NYAP2: variants seen among roughly 807,000 people sequenced by gnomAD.
NYAP2 encodes the protein neuronal tyrosine-phosphorylated phosphoinositide-3-kinase adaptor 2.
Under a neutral mutation model 50.4 loss-of-function variants are expected in NYAP2, and 23 were observed. That is an observed-to-expected ratio of 0.46 (90% confidence interval 0.33 to 0.65). The LOEUF (loss-of-function observed/expected upper bound fraction) is 0.65. NYAP2 is among the 30% of genes least tolerant of loss of function. NYAP2 has a pLI of 0.02. For missense variants in NYAP2, 885 were observed against 861.0 expected, an observed-to-expected ratio of 1.03 and a Z score of -0.35; for synonymous variants, 394 against 365.2, an observed-to-expected ratio of 1.08 and a Z score of -0.90.
chr2:225,603,485 C>G (rs1159955528), intron 5 of NYAP2, among the ~76,000 whole-genome samples: 1 of 152,116 alleles, frequency 6.6e-6, no homozygotes, highest in Non-Finnish European at 1.5e-5. Context: ...TATTTTGAGA[C>G]AGAGTCTCAC....
At chr2:225,632,571 C>T (rs913928419) in intron 6 of NYAP2, among the ~76,000 whole-genome samples, 1 of 152,206 alleles carries the variant, frequency 6.6e-6, no homozygotes, top group Non-Finnish European at 1.5e-5. Flanking sequence ...TTAACATTAA[C>T]ACTGGTTGCT....
At chr2:225,464,960 G>C (rs183085840) in intron 3 of NYAP2, among the ~76,000 whole-genome samples, 1 of 152,190 alleles carries the variant, frequency 6.6e-6, no homozygotes, top group African/African-American at 2.4e-5. Flanking sequence ...AGCATAGGGT[G>C]AGCTAGTTAG....
At chr2:225,493,598 G>A (rs907504115) in intron 3 of NYAP2, among the ~76,000 whole-genome samples, 1 of 152,114 alleles carries the variant, frequency 6.6e-6, no homozygotes, top group Non-Finnish European at 1.5e-5. Flanking sequence ...TTGAGTCACC[G>A]GTGGCTCTCA....
At chr2:225,398,374 C>T (rs1199163772), upstream of NYAP2, among the ~76,000 whole-genome samples, 1 of 152,024 alleles carries the variant, frequency 6.6e-6, no homozygotes, top group East Asian at 1.9e-4. Flanking sequence ...GACCCCCAGA[C>T]TGGCAAAATT....
intron 5 of NYAP2, among the ~76,000 whole-genome samples, chr2:225,622,673 G>A (rs954029385): frequency 1.3e-4 from 20 of 150,786 alleles, no homozygotes; most frequent in African/African-American, 4.1e-4. Context: ...TCCACCTCCC[G>A]GGTTCAAGCG....
chr2:225,440,176 A>AT (rs113128951), intron 3 of NYAP2, among the ~76,000 whole-genome samples: 1 of 152,136 alleles, frequency 6.6e-6, no homozygotes, highest in African/African-American at 2.4e-5. Flanking sequence ...TCAAACAGCC[A>AT]TTTTTTTACA....
intron 2 of NYAP2, among the ~76,000 whole-genome samples, chr2:225,406,792 T>C (rs926498364): frequency 1.3e-5 from 2 of 152,056 alleles, no homozygotes; most frequent in African/African-American, 4.8e-5. Context: ...AAAAATAATT[T>C]AAATTCCAGC....
At chr2:225,580,457 C>G (rs1574690181) in intron 4 of NYAP2, among the ~76,000 whole-genome samples, 1 of 152,148 alleles carries the variant, frequency 6.6e-6, no homozygotes, top group African/African-American at 2.4e-5. Context: ...TACAGCCTCC[C>G]CCTGGAAAAT....
intron 3 of NYAP2, among the ~76,000 whole-genome samples, chr2:225,503,251 A>G (rs1559197734): frequency 6.6e-6 from 1 of 152,204 alleles, no homozygotes; most frequent in Non-Finnish European, 1.5e-5. Flanking sequence ...ATTTTTGGAA[A>G]AGATCTCCCA....
chr2:225,636,625 G>A (rs1205992860), intron 6 of NYAP2, among the ~76,000 whole-genome samples: 1 of 151,990 alleles, frequency 6.6e-6, no homozygotes, highest in Non-Finnish European at 1.5e-5. Flanking sequence ...TCTTTATCAA[G>A]AAGTAAAGTC....
chr2:225,619,809 C>T (rs116011387), intron 5 of NYAP2, among the ~76,000 whole-genome samples: 1,761 of 152,254 alleles, frequency 0.012, 37 homozygotes, highest in Admixed American at 0.046. Context: ...CCTGCTTCAG[C>T]CTAAACACTG....
At chr2:225,464,783 GGCACAGATGTGCCC>G (rs1352826970) in intron 3 of NYAP2, among the ~76,000 whole-genome samples, 1 of 152,142 alleles carries the variant, frequency 6.6e-6, no homozygotes, top group African/African-American at 2.4e-5. Context: ...GTGAGCAATA[GGCACAGATGTGCCC>G]TCATTTTGCA....
chr2:225,501,267 A>T (rs181115147), intron 3 of NYAP2, among the ~76,000 whole-genome samples: 8 of 152,334 alleles, frequency 5.3e-5, no homozygotes, highest in African/African-American at 1.7e-4. Context: ...TAGTCTCCAG[A>T]TCATAAGTGT....
At chr2:225,400,912 A>G (rs1694849170) in exon 2 of NYAP2, 1 of 152,580 alleles carries the variant, frequency 6.6e-6, no homozygotes, top group Non-Finnish European at 1.5e-5. Flanking sequence ...GAGCTGAACT[A>G]CAAGTCTATT....
At chr2:225,533,150 A>G (rs1272706619) in intron 4 of NYAP2, among the ~76,000 whole-genome samples, 1 of 152,236 alleles carries the variant, frequency 6.6e-6, no homozygotes, top group East Asian at 1.9e-4. Flanking sequence ...TGTTGAAAAT[A>G]AGGACATATG....
intron 6 of NYAP2, among the ~76,000 whole-genome samples, chr2:225,637,360 T>A (rs1396516690): frequency 6.6e-6 from 1 of 152,154 alleles, no homozygotes; most frequent in Non-Finnish European, 1.5e-5. Flanking sequence ...CTGTAGGCTG[T>A]TCTCTAACTT....
intron 4 of NYAP2, among the ~76,000 whole-genome samples, chr2:225,561,438 C>T (rs1280267945): frequency 6.6e-6 from 1 of 152,030 alleles, no homozygotes; most frequent in African/African-American, 2.4e-5. Flanking sequence ...GAAGGACGGG[C>T]AAGGGTTAGT....
intron 6 of NYAP2, among the ~76,000 whole-genome samples, chr2:225,633,686 G>A (rs971939411): frequency 6.6e-6 from 1 of 152,194 alleles, no homozygotes; most frequent in Non-Finnish European, 1.5e-5. Flanking sequence ...AAATGCAGGT[G>A]ACCTGGAAAG....
intron 4 of NYAP2, among the ~76,000 whole-genome samples, chr2:225,528,911 G>A (rs1691202863): frequency 6.6e-6 from 1 of 152,166 alleles, no homozygotes. Context: ...TTCCAGTAAT[G>A]GGTGAATAGA....
Sources: allele counts gnomAD v4.1 joint callset (sites outside exome capture counted in the v4.1 genomes callset), GRCh38; gene constraint gnomAD v4.1.1; transcripts MANE v1.5; gene names NCBI Gene and HGNC (gene_info 2026-07-23, HGNC 2026-07-21).